The following ATP2B2 variants were observed in gnomAD, a reference collection of about 807,000 sequenced individuals.
ATP2B2 encodes the protein ATPase plasma membrane Ca2+ transporting 2.
A neutral mutation model predicts 120.0 loss-of-function variants in ATP2B2; 15 were observed. The observed-to-expected ratio is 0.12, with a 90% CI of 0.08 to 0.19. The LOEUF is 0.19. ATP2B2 is among the 10% of genes least tolerant of loss of function. The pLI is 1.00. For missense variants in ATP2B2, 1,045 were observed against 1,719.8 expected, an observed-to-expected ratio of 0.61 and a Z score of 6.94; for synonymous variants, 694 against 700.3, an observed-to-expected ratio of 0.99 and a Z score of 0.14.
chr3:10,400,605 A>G (rs1385405702), intron 5 of ATP2B2, among the ~76,000 whole-genome samples: 1 of 152,202 alleles, frequency 6.6e-6, no homozygotes, highest in Non-Finnish European at 1.5e-5. Context: ...GCTGGTGGCC[A>G]GAATGCTTAT....
intron 2 of ATP2B2, among the ~76,000 whole-genome samples, chr3:10,581,620 T>C (rs4684715): frequency 0.023 from 3,504 of 152,288 alleles, 67 homozygotes; most frequent in Admixed American, 0.041. Context: ...TCACTAGGCA[T>C]CGCAAGGAAT....
At chr3:10,377,079 T>C (rs1346283605) in intron 10 of ATP2B2, among the ~76,000 whole-genome samples, 1 of 152,186 alleles carries the variant, frequency 6.6e-6, no homozygotes, top group Non-Finnish European at 1.5e-5. Flanking sequence ...TGCTTGACTG[T>C]GAACTCCATT....
chr3:10,432,938 G>GT (rs2063366525), intron 2 of ATP2B2, among the ~76,000 whole-genome samples: 2 of 152,218 alleles, frequency 1.3e-5, no homozygotes, highest in Non-Finnish European at 2.9e-5. Context: ...TCTGGCTGGG[G>GT]TAGGGGATGG....
At position 10,388,143 on chromosome 3, in the gene ATP2B2, G is replaced by T. The variant is rs562927363; in HGVS notation, c.907+134C>A. On this transcript the variant is annotated intron_variant, in intron 6 of 22. Transcript: ENST00000360273. Reference sequence around the variant, plus strand: ...CCTGGCCCATGCAGGCCTTAAGGATGCAGGAGGTGGCTGTCAGCACAGGGT... The same window carrying T: ...CCTGGCCCATGCAGGCCTTAAGGATTCAGGAGGTGGCTGTCAGCACAGGGT... 3.6e-3 allele frequency: 4,732 copies of T among 1,323,980 alleles called. 7 individuals are homozygous for T. Among genetic ancestry groups the T allele is most frequent in the Non-Finnish European group, 4.8e-3 (4,440 of 923,578 alleles). 82.0% of individuals were successfully genotyped at this position (1,323,980 alleles called of 1,614,324 possible).
At chr3:10,578,546 CAA>C (rs35312020) in intron 2 of ATP2B2, among the ~76,000 whole-genome samples, 6 of 136,046 alleles carry the variant, frequency 4.4e-5, no homozygotes, top group Non-Finnish European at 4.8e-5. Flanking sequence ...GAGTCCATCT[CAA>C]AAAAAAAAAA....
chr3:10,588,505 G>GC (rs1327380746), intron 2 of ATP2B2, among the ~76,000 whole-genome samples: 2 of 152,162 alleles, frequency 1.3e-5, no homozygotes, highest in African/African-American at 4.8e-5. Flanking sequence ...GGGCACTGAG[G>GC]CCATACACCT....
At chr3:10,679,812 C>T (rs888216945) in intron 1 of ATP2B2, among the ~76,000 whole-genome samples, 1 of 152,082 alleles carries the variant, frequency 6.6e-6, no homozygotes, top group Non-Finnish European at 1.5e-5. Context: ...TAAAAACATA[C>T]ATCTGGTGCC....
At chr3:10,406,439 G>A (rs998817804) in intron 3 of ATP2B2, among the ~76,000 whole-genome samples, 1 of 152,172 alleles carries the variant, frequency 6.6e-6, no homozygotes, top group Non-Finnish European at 1.5e-5. Flanking sequence ...TTACCGCAGT[G>A]GTCTCATAAT....
At chr3:10,357,641 C>A (rs1210041920) in intron 14 of ATP2B2, among the ~76,000 whole-genome samples, 1 of 152,104 alleles carries the variant, frequency 6.6e-6, no homozygotes, top group Non-Finnish European at 1.5e-5. Context: ...GCATCAGCAC[C>A]AAATCTTACA....
intron 1 of ATP2B2, among the ~76,000 whole-genome samples, chr3:10,486,500 T>C (rs920728415): frequency 3.9e-5 from 6 of 152,052 alleles, no homozygotes; most frequent in Non-Finnish European, 8.8e-5. Flanking sequence ...TTTGCTGCAG[T>C]CACAACAGCT....
At chr3:10,669,076 G>C (rs911282014) in intron 1 of ATP2B2, among the ~76,000 whole-genome samples, 2 of 152,232 alleles carry the variant, frequency 1.3e-5, no homozygotes, top group African/African-American at 4.8e-5. Flanking sequence ...GAATGTAAGA[G>C]GGGAGGGGAA....
chr3:10,581,656 G>A (rs1168095733), intron 2 of ATP2B2, among the ~76,000 whole-genome samples: 1 of 152,192 alleles, frequency 6.6e-6, no homozygotes, highest in African/African-American at 2.4e-5. Context: ...AAGGACATAA[G>A]TGAAAGTGCA....
At chr3:10,606,880 A>AACAC (rs147614282) in intron 2 of ATP2B2, among the ~76,000 whole-genome samples, 1,338 of 99,834 alleles carry the variant, frequency 0.013, 12 homozygotes, top group African/African-American at 0.034. Context: ...ACGGAGTCTA[A>AACAC]ACACACACAC....
At chr3:10,397,518 G>A (rs2062077634) in intron 5 of ATP2B2, among the ~76,000 whole-genome samples, 1 of 152,198 alleles carries the variant, frequency 6.6e-6, no homozygotes, top group South Asian at 2.1e-4. Context: ...GGTGGTCAGG[G>A]GGTGACTGCC....
At chr3:10,424,659 G>A (rs2063092006) in intron 2 of ATP2B2, among the ~76,000 whole-genome samples, 1 of 152,194 alleles carries the variant, frequency 6.6e-6, no homozygotes, top group Non-Finnish European at 1.5e-5. Context: ...TGGAAAGCGA[G>A]TGGGCTAAAT....
intron 1 of ATP2B2, among the ~76,000 whole-genome samples, chr3:10,649,881 C>A (rs1017465557): frequency 6.6e-6 from 1 of 152,224 alleles, no homozygotes; most frequent in Non-Finnish European, 1.5e-5. Flanking sequence ...GTGAGACATG[C>A]CTTTCACCTT....
At chr3:10,418,607 C>A (rs1483328372) in intron 2 of ATP2B2, among the ~76,000 whole-genome samples, 1 of 152,156 alleles carries the variant, frequency 6.6e-6, no homozygotes, top group East Asian at 1.9e-4. Flanking sequence ...TGGGGCTGCA[C>A]GTCTTTATTT....
intron 1 of ATP2B2, among the ~76,000 whole-genome samples, chr3:10,500,848 T>G (rs1217674264): frequency 6.6e-6 from 1 of 152,230 alleles, no homozygotes; most frequent in African/African-American, 2.4e-5. Context: ...GTTGCTCTCC[T>G]TGCTACTTCC....
chr3:10,622,503 C>T (rs1038819554), intron 1 of ATP2B2, among the ~76,000 whole-genome samples: 8 of 152,098 alleles, frequency 5.3e-5, no homozygotes, highest in African/African-American at 1.9e-4. Flanking sequence ...AATCCCCTGA[C>T]TTCTAACATA....
Sources: allele counts gnomAD v4.1 joint callset (sites outside exome capture counted in the v4.1 genomes callset), GRCh38; gene constraint gnomAD v4.1.1; transcripts MANE v1.5; gene names NCBI Gene and HGNC (gene_info 2026-07-23, HGNC 2026-07-21).